Variants in FBXL19 observed in about 807,000 individuals in gnomAD.
The protein encoded by FBXL19 is F-box and leucine rich repeat protein 19, also known as F-box/LRR-repeat protein 19.
Under a neutral mutation model 71.2 loss-of-function variants are expected in FBXL19, and 16 were observed. The ratio of observed to expected loss-of-function variants is 0.22; its 90% CI spans 0.15 to 0.34. FBXL19 has a LOEUF of 0.34. FBXL19 is among the 10% of genes least tolerant of loss of function. The pLI is 1.00. For missense variants in FBXL19, 658 were observed against 968.2 expected (o/e 0.68, Z 4.25); for synonymous variants, 447 against 409.4 (o/e 1.09, Z -1.11).
chr16:30,935,291 G>A (rs1023952927), intron 7 of FBXL19, among the ~76,000 whole-genome samples: 1 of 152,202 alleles, frequency 6.6e-6, no homozygotes, highest in Admixed American at 6.5e-5. Context: ...CGCTGAATGA[G>A]TGAAGGACAA....
In FBXL19 at chr16:30,942,094, G is replaced by T; in HGVS notation, c.1302-22G>T. Reference sequence around the variant, plus strand: ...CTGAGAGCTGAGGGCTGAGGTCTCTGTCTCCCCCCTATGGCCGCCAGGTGC... The same window carrying T: ...CTGAGAGCTGAGGGCTGAGGTCTCTTTCTCCCCCCTATGGCCGCCAGGTGC... On this transcript the variant is annotated intron_variant, in intron 7 of 10. Transcript: ENST00000338343. This position sits in a 1 kb window ranked among gnomAD's most constrained non-coding sequence, Gnocchi z 5.7. The T allele has an allele frequency of 1.3e-6, 2 of 1,539,742 alleles. No homozygotes were observed. The highest frequency in any genetic ancestry group is 8.8e-7 in the Non-Finnish European group (1 of 1,138,280).
chr16:30,924,698 C>T (rs749340821), intron 1 of FBXL19: 4 of 1,484,652 alleles, frequency 2.7e-6, no homozygotes, highest in Admixed American at 3.0e-5. Flanking sequence ...CCAGGCCCCT[C>T]CCCTGGAGCG....
At position 30,925,990 on chromosome 16, in the gene FBXL19, G is replaced by T. The variant is rs572651984; in HGVS notation, c.177+59G>T. ...CCCTTCCCAATACCTTCTTGGAATG[G>T]CTGGTGACTGCCTCCCAGCCTGTAC... On this transcript the variant is annotated intron_variant, in intron 2 of 10. Transcript: ENST00000338343. This position sits in a 1 kb window ranked among gnomAD's most constrained non-coding sequence, Gnocchi z 5.0. The T allele has an allele frequency of 7.0e-7, 1 of 1,418,600 alleles. No homozygotes were observed. The highest frequency in any genetic ancestry group is 9.2e-7 in the Non-Finnish European group (1 of 1,089,424). 87.9% of individuals were successfully genotyped at this position (1,418,600 alleles called of 1,614,324 possible). A position where few individuals can be genotyped will look rare whatever the true frequency, so the allele number is the denominator to read the frequency against.
In FBXL19 at chr16:30,925,714, C is replaced by T; in HGVS notation, c.-24-17C>T. ...GCCCCAGTGGGCCCATCTGACCCTGCCACCATCCACCTACAGCCCTCGGCG... is the reference window on the plus strand; with the variant it reads ...GCCCCAGTGGGCCCATCTGACCCTGTCACCATCCACCTACAGCCCTCGGCG... On this transcript the variant is annotated splice_polypyrimidine_tract_variant and intron_variant, in intron 1 of 10. Transcript: ENST00000338343. The surrounding 1 kb of genome is among the most constrained non-coding windows in gnomAD (Gnocchi z 5.0). 8 of 1,490,072 alleles carry T rather than the reference C, an allele frequency of 5.4e-6. No homozygotes were observed. In the East Asian group the frequency reaches 2.2e-4, roughly 41 times the overall value. The allele number at this position is 1,490,072 out of a possible 1,614,324, so 92.3% of individuals were successfully genotyped here. A position where few individuals can be genotyped will look rare whatever the true frequency, so the allele number is the denominator to read the frequency against.
At chr16:30,926,216 C>A (rs548125394) in intron 2 of FBXL19, among the ~76,000 whole-genome samples, 3 of 152,160 alleles carry the variant, frequency 2.0e-5, no homozygotes, top group Non-Finnish European at 2.9e-5. Context: ...CTATCACCCC[C>A]CAAGATGTCT....
Position 30,928,565 on chromosome 16 carries a change from G to T in FBXL19, c.726G>T (p.Arg242Ser). Residue 242 changes from arginine to serine, a missense_variant, in exon 6 of 11, where the codon AGG becomes AGT. Arg to Ser is a moderately radical substitution (Grantham distance 110). Transcript: ENST00000338343. Reference protein sequence around the residue: ...DPGGPGLLPPRVLNPSQAFSS... With the variant: ...DPGGPGLLPPSVLNPSQAFSS... Reference sequence around the variant, plus strand: ...GCGGCCCGGGCCTGCTGCCCCCCAGGGTTCTGAATCCGAGCCAGGCTTTCT... The same window carrying T: ...GCGGCCCGGGCCTGCTGCCCCCCAGTGTTCTGAATCCGAGCCAGGCTTTCT... 6.2e-7 allele frequency: 1 copy of T among 1,608,006 alleles called. No homozygotes were observed. The highest frequency in any genetic ancestry group is 8.5e-7 in the Non-Finnish European group (1 of 1,177,278).
chr16:30,929,176 A>G (rs2055639959), intron 6 of FBXL19, among the ~76,000 whole-genome samples: 1 of 152,208 alleles, frequency 6.6e-6, no homozygotes, highest in Non-Finnish European at 1.5e-5. Flanking sequence ...CACTCAACAC[A>G]GGAGTCCGCC....
At position 30,925,778 on chromosome 16, in the gene FBXL19, G is replaced by T. The variant is rs1225201950; in HGVS notation, c.24G>T (p.Pro8=). 1 of 1,480,640 alleles carries T rather than the reference G, an allele frequency of 6.8e-7. No individual in the cohort carries two copies. Among genetic ancestry groups the T allele is most frequent in the Non-Finnish European group, 8.9e-7 (1 of 1,120,102 alleles). 91.7% of individuals were successfully genotyped at this position (1,480,640 alleles called of 1,614,324 possible). The change falls in exon 2 of 11, where the codon CCG becomes CCT. Residue 8 remains proline, a synonymous_variant. Coordinates refer to ENST00000338343, the MANE Select transcript of FBXL19 (RefSeq NM_001382779.1). This position sits in a 1 kb window ranked among gnomAD's most constrained non-coding sequence, Gnocchi z 5.0. ...CAATGTCGTCGAGCAGCCGGGGGCC[G>T]GGGGCCGGAGCGCGCCGACGCCGAA... MSSSSRG[P]GAGARRRRTR...
At position 30,928,505 on chromosome 16, in the gene FBXL19, T is replaced by A; in HGVS notation, c.666T>A (p.Gly222=). 6.2e-7 allele frequency: 1 copy of A among 1,603,754 alleles called. No homozygotes were observed. Among genetic ancestry groups the A allele is most frequent in the Non-Finnish European group, 8.5e-7 (1 of 1,174,784 alleles). ...GAGAGAGGCACCTGAAGAAGGTGGG[T>A]GGAGACGCCTGCCTCCTCCGAGGAT... ...GGRERHLKKV[G]GDACLLRGSD... The change falls in exon 6 of 11, where the codon GGT becomes GGA. Residue 222 remains glycine (G), a synonymous_variant. Transcript: ENST00000338343.
chr16:30,932,683 G>A (rs1336132062), intron 7 of FBXL19, among the ~76,000 whole-genome samples: 1 of 152,094 alleles, frequency 6.6e-6, no homozygotes, highest in Non-Finnish European at 1.5e-5. Context: ...ACAGTGCCTG[G>A]AGGGTACTAA....
At chr16:30,938,826 C>T (rs1263370310) in intron 7 of FBXL19, among the ~76,000 whole-genome samples, 3 of 151,090 alleles carry the variant, frequency 2.0e-5, no homozygotes, top group African/African-American at 7.3e-5. Context: ...TTAGCAGATA[C>T]GAGGTTTCAC....
chr16:30,933,177 T>G (rs2055694356), intron 7 of FBXL19, among the ~76,000 whole-genome samples: 1 of 151,734 alleles, frequency 6.6e-6, no homozygotes, highest in South Asian at 2.1e-4. Flanking sequence ...ATTTTTGCAC[T>G]TTTTTAGAAG....
chr16:30,932,502 A>G (rs538578816), intron 7 of FBXL19, among the ~76,000 whole-genome samples: 33 of 152,332 alleles, frequency 2.2e-4, no homozygotes, highest in East Asian at 3.9e-4. Flanking sequence ...GCGAGAGGCA[A>G]TGGCTCCCAG....
chr16:30,929,148 G>A (rs1435760527), intron 6 of FBXL19, among the ~76,000 whole-genome samples: 2 of 152,194 alleles, frequency 1.3e-5, no homozygotes, highest in East Asian at 3.8e-4. Flanking sequence ...CCAGAATTGA[G>A]GTATTACTTG....
At chr16:30,940,529 G>C (rs1209198910) in intron 7 of FBXL19, among the ~76,000 whole-genome samples, 1 of 152,096 alleles carries the variant, frequency 6.6e-6, no homozygotes, top group African/African-American at 2.4e-5. Flanking sequence ...AGAGAAGAGA[G>C]TTCTCAAACT....
rs530873194 is a variant in FBXL19 at position 30,947,034 on chromosome 16, C to G, written c.1847-18C>G. The stretch of plus-strand genomic sequence containing the variant: ...CTTGCTCACCTGCCTGGTCTCAGCT[C>G]CACTGCCCCATCCCCAGGTTGCCAC... On this transcript the variant is annotated intron_variant, in intron 10 of 10. Transcript: ENST00000338343. 1.3e-6 allele frequency: 2 copies of G among 1,584,874 alleles called. No homozygotes were observed.
intron 7 of FBXL19, among the ~76,000 whole-genome samples, chr16:30,935,228 G>A (rs1425175528): frequency 6.6e-6 from 1 of 152,220 alleles, no homozygotes; most frequent in Non-Finnish European, 1.5e-5. Context: ...TGTTCCTGTT[G>A]TGTTCCTGGT....
intron 1 of FBXL19, chr16:30,924,851 C>G: frequency 7.9e-6 from 9 of 1,132,442 alleles, no homozygotes; most frequent in Non-Finnish European, 1.1e-5. Context: ...GGAGGGGGAG[C>G]CCAAGGGATT....
At chr16:30,927,050 C>T (rs545674489) in intron 2 of FBXL19, among the ~76,000 whole-genome samples, 3 of 152,304 alleles carry the variant, frequency 2.0e-5, no homozygotes, top group African/African-American at 4.8e-5. Flanking sequence ...CAGTGTCTCT[C>T]GCGTATTATT....
Sources: allele counts gnomAD v4.1 joint callset (sites outside exome capture counted in the v4.1 genomes callset), GRCh38; gene constraint gnomAD v4.1.1; non-coding constraint Gnocchi (gnomAD v3.1); transcripts MANE v1.5; gene names NCBI Gene and HGNC (gene_info 2026-07-23, HGNC 2026-07-21).